Variants in SPIN1 observed in about 807,000 individuals in gnomAD.
The protein encoded by SPIN1 is spindlin-1.
A neutral mutation model predicts 26.0 loss-of-function variants in SPIN1; 3 were observed. The observed-to-expected ratio is 0.12, with a 90% CI of 0.05 to 0.30. The LOEUF is 0.30. Among genes scored for constraint, SPIN1 ranks in the 10% least tolerant of loss-of-function variants. SPIN1 has a pLI of 1.00. For synonymous variants in SPIN1, 101 were observed against 116.5 expected (o/e 0.87, Z 0.86); for missense variants, 126 against 333.4 (o/e 0.38, Z 4.84).
At position 88,476,625 on chromosome 9, in the gene SPIN1, TAGC is replaced by T. The variant is rs1168676333; in HGVS notation, c.*1352_*1354del. On this transcript the variant is annotated 3_prime_UTR_variant, in exon 6 of 6. Coordinates refer to ENST00000375859, the MANE Select transcript of SPIN1 (RefSeq NM_006717.3). The stretch of plus-strand genomic sequence containing the variant: ...GTGTTCGCTTGGTAGGTGTAAGTAA[TAGC>T]AGCCCTTAGCCACGGAGTCTTTATG... 2 of 152,222 alleles carry T rather than the reference TAGC, an allele frequency of 1.3e-5. No homozygotes were observed. The highest frequency in any genetic ancestry group is 2.9e-5 in the Non-Finnish European group (2 of 68,042). 9.4% of individuals were successfully genotyped at this position (152,222 alleles called of 1,614,324 possible). A position where few individuals can be genotyped will look rare whatever the true frequency, so the allele number is the denominator to read the frequency against.
At chr9:88,443,092 C>T (rs1207803415) in intron 2 of SPIN1, among the ~76,000 whole-genome samples, 2 of 148,500 alleles carry the variant, frequency 1.3e-5, no homozygotes, top group Middle Eastern at 3.3e-3. Flanking sequence ...TGCCCTCCAG[C>T]CTGGGTGACA....
chr9:88,458,490 G>A (rs1828516889), intron 3 of SPIN1, among the ~76,000 whole-genome samples: 1 of 152,102 alleles, frequency 6.6e-6, no homozygotes, highest in African/African-American at 2.4e-5. Flanking sequence ...TATGAAAACT[G>A]CTTATTTTGA....
chr9:88,395,112 TA>T (rs1290665292), intron 1 of SPIN1, among the ~76,000 whole-genome samples: 1 of 151,934 alleles, frequency 6.6e-6, no homozygotes, highest in Non-Finnish European at 1.5e-5. Flanking sequence ...CTGGCCTATT[TA>T]ATGTATTTTT....
intron 1 of SPIN1, among the ~76,000 whole-genome samples, chr9:88,402,925 G>T (rs1406619190): frequency 6.6e-6 from 1 of 152,136 alleles, no homozygotes; most frequent in Admixed American, 6.5e-5. Flanking sequence ...CCATCCCAGT[G>T]TATAAGAGTT....
chr9:88,410,133 A>G (rs1827405292), intron 1 of SPIN1, among the ~76,000 whole-genome samples: 1 of 147,242 alleles, frequency 6.8e-6, no homozygotes, highest in Non-Finnish European at 1.5e-5. Flanking sequence ...CTATCTTTCA[A>G]GTTATTTGAT....
At chr9:88,424,720 C>G (rs982837209) in intron 1 of SPIN1, among the ~76,000 whole-genome samples, 7 of 152,046 alleles carry the variant, frequency 4.6e-5, no homozygotes, top group African/African-American at 1.4e-4. Flanking sequence ...GGGATTATTG[C>G]AGTTATTGTT....
At chr9:88,438,905 C>G (rs991055553) in intron 2 of SPIN1, among the ~76,000 whole-genome samples, 1 of 152,112 alleles carries the variant, frequency 6.6e-6, no homozygotes, top group African/African-American at 2.4e-5. Flanking sequence ...AACAAGAAAC[C>G]ATGTCAATTT....
chr9:88,410,713 T>C (rs1194496293), intron 1 of SPIN1: 2 of 1,428,600 alleles, frequency 1.4e-6, no homozygotes, highest in Admixed American at 1.7e-5. Context: ...GCCAAAATCA[T>C]TGTAGCTTCC....
At chr9:88,438,625 A>G (rs541220708) in intron 2 of SPIN1, among the ~76,000 whole-genome samples, 8 of 152,298 alleles carry the variant, frequency 5.3e-5, no homozygotes, top group African/African-American at 9.6e-5. Context: ...GAGTTCATCT[A>G]TATCCTTACT....
At chr9:88,400,054 A>G (rs1377387463) in intron 1 of SPIN1, among the ~76,000 whole-genome samples, 1 of 152,044 alleles carries the variant, frequency 6.6e-6, no homozygotes, top group Non-Finnish European at 1.5e-5. Context: ...AGCCTTTCCA[A>G]CCCTTCCCAG....
chr9:88,422,274 G>A (rs1436555416), intron 1 of SPIN1, among the ~76,000 whole-genome samples: 3 of 152,122 alleles, frequency 2.0e-5, no homozygotes, highest in Admixed American at 6.5e-5. Context: ...TGAAGGTTCT[G>A]CTAACCTAGA....
At chr9:88,407,082 C>A (rs1827326404) in intron 1 of SPIN1, among the ~76,000 whole-genome samples, 1 of 143,184 alleles carries the variant, frequency 7.0e-6, no homozygotes, top group Non-Finnish European at 1.5e-5. Context: ...TGTGTAACTT[C>A]TAGTAGTGAA....
chr9:88,460,504 T>G (rs991160033), intron 3 of SPIN1, among the ~76,000 whole-genome samples: 1 of 152,206 alleles, frequency 6.6e-6, no homozygotes, highest in Non-Finnish European at 1.5e-5. Flanking sequence ...AGATTTATTA[T>G]GAGGAAATTG....
At chr9:88,406,493 C>T (rs1029875426) in intron 1 of SPIN1, among the ~76,000 whole-genome samples, 5 of 151,904 alleles carry the variant, frequency 3.3e-5, no homozygotes, top group Admixed American at 1.3e-4. Flanking sequence ...AGGGTTTCAC[C>T]GTGTTAGCCA....
intron 2 of SPIN1, among the ~76,000 whole-genome samples, chr9:88,429,346 C>A (rs1189579327): frequency 1.3e-5 from 2 of 152,092 alleles, no homozygotes; most frequent in African/African-American, 4.8e-5. Flanking sequence ...AGGTTGAGGG[C>A]TCAGTCCCAT....
At chr9:88,460,959 T>C (rs1254186920) in intron 3 of SPIN1, among the ~76,000 whole-genome samples, 1 of 152,224 alleles carries the variant, frequency 6.6e-6, no homozygotes, top group Non-Finnish European at 1.5e-5. Context: ...AATGAGCCTG[T>C]TTTTGAGGCC....
chr9:88,413,839 A>G (rs1041980161), intron 1 of SPIN1, among the ~76,000 whole-genome samples: 11 of 152,204 alleles, frequency 7.2e-5, no homozygotes, highest in African/African-American at 2.4e-4. Context: ...AGTTCGACTT[A>G]GATCAAAGTT....
At chr9:88,404,937 A>C (rs985723068) in intron 1 of SPIN1, among the ~76,000 whole-genome samples, 4 of 151,662 alleles carry the variant, frequency 2.6e-5, no homozygotes, top group Non-Finnish European at 5.9e-5. Context: ...AAACAAAAAA[A>C]AAAAAACTAA....
chr9:88,410,890 G>A, intron 1 of SPIN1: 6 of 975,120 alleles, frequency 6.2e-6, no homozygotes, highest in South Asian at 5.1e-5. Flanking sequence ...TTCTTTGGCT[G>A]GATGAAGCAC....
Sources: gnomAD v4.1 joint callset for allele counts (sites outside exome capture counted in the v4.1 genomes callset) on GRCh38, gnomAD v4.1.1 for gene constraint, MANE v1.5 for transcripts, NCBI Gene and HGNC (gene_info 2026-07-23, HGNC 2026-07-21) for gene names.